OR51A4: variants seen among roughly 807,000 people sequenced by gnomAD.
OR51A4 encodes olfactory receptor 51A4.
For missense variants in OR51A4, 243 were observed against 364.0 expected (o/e 0.67, Z 2.70); for synonymous variants, 96 against 141.5 (o/e 0.68, Z 2.28).
rs1846305222 is a variant in OR51A4 at position 4,946,390 on chromosome 11, CT to C, written c.710del (p.Lys237ArgfsTer13). 1.2e-6 allele frequency: 2 copies of C among 1,613,396 alleles called. No homozygotes were observed. The highest frequency in any genetic ancestry group is 2.2e-5 in the South Asian group (2 of 91,058). On this transcript the variant is annotated frameshift_variant, in exon 2 of 2. Transcript: ENST00000641898. LOFTEE classifies it low-confidence loss of function (END_TRUNC). The part of the protein sequence containing the change: ...LGIASKKEQL[K>X]ALNTCVSHIC... ...TGTGTGAAACACAAGTATTGAGAGC[CT>C]TAAGCTGCTCCTTTTTGGATGCAAT...
At position 4,946,065 on chromosome 11, in the gene OR51A4, T is replaced by C; in HGVS notation, c.*94A>G. On this transcript the variant is annotated 3_prime_UTR_variant, in exon 2 of 2. Transcript: ENST00000641898. ...TAACTCTATGACAACAACAAAAATA[T>C]GTGTTGATAATTCTTGGTGTCAAAT... 2 of 1,140,338 alleles carry C rather than the reference T, an allele frequency of 1.8e-6. No individual in the cohort carries two copies. Among genetic ancestry groups the C allele is most frequent in the East Asian group, 2.3e-5 (1 of 42,640 alleles). The allele number at this position is 1,140,338 out of a possible 1,614,324, so 70.6% of individuals were successfully genotyped here.
Position 4,946,355 on chromosome 11 carries a change from A to C in OR51A4, c.746T>G (p.Val249Gly). ...LNTCVSHICA[V>G]IIFYLPIINL... ...GATGATGGGCAGGTAGAAGATGATCACTGCACAGATGTGTGAAACACAAGT... is the reference window on the plus strand; with the variant it reads ...GATGATGGGCAGGTAGAAGATGATCCCTGCACAGATGTGTGAAACACAAGT... Residue 249 changes from valine (V) to glycine (G), a missense_variant, in exon 2 of 2, where the codon GTG (valine) becomes GGG (glycine). Coordinates refer to ENST00000641898, the MANE Select transcript of OR51A4 (RefSeq NM_001005329.2). 1 of 1,613,814 alleles carries C rather than the reference A, an allele frequency of 6.2e-7. No homozygotes were observed. Among genetic ancestry groups the C allele is most frequent in the Non-Finnish European group, 8.5e-7 (1 of 1,179,950 alleles).
chr11:4,946,256 A>G lies in OR51A4; in HGVS notation c.845T>C (p.Leu282Pro), dbSNP rs190505151. ...LINVLMANVL[L>P]LVPPLTNPIV... ...TGGGTTCGTCAGTGGAGGTACAAGT[A>G]GGAGAACATTTGCCATGAGAACATT... The change falls in exon 2 of 2, where the codon CTA becomes CCA. Residue 282 changes from leucine (L) to proline (P), a missense_variant. Physicochemically the swap from Leu to Pro is moderately conservative, Grantham distance 98. Transcript: ENST00000641898. 1.2e-6 allele frequency: 2 copies of G among 1,614,032 alleles called. No homozygotes were observed. The highest frequency in any genetic ancestry group is 2.2e-5 in the East Asian group (1 of 44,868).
In OR51A4 at chr11:4,943,305, A is replaced by G. The variant is rs769314472; in HGVS notation, c.*2854T>C. ...CTTTGTACACTTTCATGTGTGATTA[A>G]TAAGTCTTTTAACATCTCTCAAGTG... On this transcript the variant is annotated 3_prime_UTR_variant, in exon 2 of 2. Coordinates refer to ENST00000641898, the MANE Select transcript of OR51A4 (RefSeq NM_001005329.2). The G allele has an allele frequency of 3.3e-5, 10 of 300,216 alleles. No individual in the cohort carries two copies. The highest frequency in any genetic ancestry group is 6.7e-5 in the Non-Finnish European group (10 of 150,350). 18.6% of individuals were successfully genotyped at this position (300,216 alleles called of 1,614,324 possible). A position where few individuals can be genotyped will look rare whatever the true frequency, so the allele number is the denominator to read the frequency against.
Position 4,945,973 on chromosome 11 carries a change from G to C in OR51A4, c.*186C>G, listed in dbSNP as rs1846292843. Reference sequence around the variant, plus strand: ...TTTTTATTCTGCTTAACTGAAATGGGGACATAAGGCAACGTACTTCCTGTT... The same window carrying C: ...TTTTTATTCTGCTTAACTGAAATGGCGACATAAGGCAACGTACTTCCTGTT... On this transcript the variant is annotated 3_prime_UTR_variant, in exon 2 of 2. Transcript: ENST00000641898. The C allele has an allele frequency of 1.6e-6, 1 of 616,920 alleles. No homozygotes were observed. The highest frequency in any genetic ancestry group is 2.9e-6 in the Non-Finnish European group (1 of 347,822). The allele number at this position is 616,920 out of a possible 1,614,324, so 38.2% of individuals were successfully genotyped here.
In OR51A4 at chr11:4,946,693, T is replaced by G. The variant is rs142601496; in HGVS notation, c.408A>C (p.Ser136=). ...LAIHNPLRYT[S]ILTTVRVAQI... ...GGGCAACTCTGACAGTTGTCAGGAT[T>G]GAGGTGTATCTCAGAGGGTTGTGGA... is the stretch of plus-strand genomic sequence containing the variant. Residue 136 remains serine (S), a synonymous_variant, in exon 2 of 2, where the codon TCA becomes TCC. Coordinates refer to ENST00000641898, the MANE Select transcript of OR51A4 (RefSeq NM_001005329.2). The G allele has an allele frequency of 1.4e-3, 2,289 of 1,591,214 alleles. 1 individual carries two copies. The highest frequency in any genetic ancestry group is 5.1e-4 in the Middle Eastern group (3 of 5,912).
rs34472938 is a variant in OR51A4, at chr11:4,945,491, TAA to T, written c.*666_*667del. ...TTCTAACAAAGGAAGAGTTCAAATT[TAA>T]AAGAGACACTTACACATTCAATTTG... is the stretch of plus-strand genomic sequence containing the variant. On this transcript the variant is annotated 3_prime_UTR_variant, in exon 2 of 2. Transcript: ENST00000641898. 22,675 of 152,802 alleles carry T rather than the reference TAA, an allele frequency of 0.15. 1,776 individuals carry two copies. Among genetic ancestry groups the T allele is most frequent in the South Asian group, 0.17 (848 of 4,846 alleles). 9.5% of individuals were successfully genotyped at this position (152,802 alleles called of 1,614,324 possible). A position where few individuals can be genotyped will look rare whatever the true frequency, so the allele number is the denominator to read the frequency against.
Position 4,945,831 on chromosome 11 carries a change from A to G in OR51A4, c.*328T>C, listed in dbSNP as rs11034822. ...TCTAGCATTAAAAGAACTTGGTATA[A>G]GAGATTGAATGTAGATAATGAGAAA... On this transcript the variant is annotated 3_prime_UTR_variant, in exon 2 of 2. Coordinates refer to ENST00000641898, the MANE Select transcript of OR51A4 (RefSeq NM_001005329.2). The G allele has an allele frequency of 0.15, 50,433 of 341,950 alleles. 5,069 individuals carry two copies. The highest frequency in any genetic ancestry group is 0.35 in the South Asian group (11,503 of 33,020). 21.2% of individuals were successfully genotyped at this position (341,950 alleles called of 1,614,324 possible).
In OR51A4 at chr11:4,944,111, G is replaced by C. The variant is rs1456055983; in HGVS notation, c.*2048C>G. The C allele has an allele frequency of 2.2e-6, 1 of 455,516 alleles. No homozygotes were observed. Among genetic ancestry groups the C allele is most frequent in the African/African-American group, 2.0e-5 (1 of 50,024 alleles). 28.2% of individuals were successfully genotyped at this position (455,516 alleles called of 1,614,324 possible). A position where few individuals can be genotyped will look rare whatever the true frequency, so the allele number is the denominator to read the frequency against. The stretch of plus-strand genomic sequence containing the variant: ...CCAAACCCATATCTGTATTTGTAAG[G>C]TTTTGGAAAAGGTAGATAGATACAG... On this transcript the variant is annotated 3_prime_UTR_variant, in exon 2 of 2. Transcript: ENST00000641898.
At position 4,946,630 on chromosome 11, in the gene OR51A4, C is replaced by G; in HGVS notation, c.471G>C (p.Leu157=). The G allele has an allele frequency of 3.2e-6, 5 of 1,577,950 alleles. No homozygotes were observed. The highest frequency in any genetic ancestry group is 4.3e-6 in the Non-Finnish European group (5 of 1,150,000). The change falls in exon 2 of 2, where the codon CTG becomes CTC. Residue 157 remains leucine (L), a synonymous_variant. Transcript: ENST00000641898. The stretch of plus-strand genomic sequence containing the variant: ...TTAAAGTGAAAGGGAAGGGAAGAAC[C>G]AGGAGCATGCTCTTAAAGGAGAATA... The part of the protein sequence containing the change: ...GIVFSFKSML[L]VLPFPFTLRN...
chr11:4,944,593 T>A lies in OR51A4; in HGVS notation c.*1566A>T, dbSNP rs2595989. 0.99 allele frequency: 150,660 copies of A among 152,314 alleles called. 74,538 individuals are homozygous for A. The highest frequency in any genetic ancestry group is 1 in the Middle Eastern group (294 of 294). 9.4% of individuals were successfully genotyped at this position (152,314 alleles called of 1,614,324 possible). On this transcript the variant is annotated 3_prime_UTR_variant, in exon 2 of 2. Coordinates refer to ENST00000641898, the MANE Select transcript of OR51A4 (RefSeq NM_001005329.2). ...AAGGTGTTTCTTGATTCACCTGAGGTTAGAAGTGTAGGAGACTTGAACTGA... is the reference window on the plus strand; with the variant it reads ...AAGGTGTTTCTTGATTCACCTGAGGATAGAAGTGTAGGAGACTTGAACTGA...
chr11:4,944,084 C>T lies in OR51A4; in HGVS notation c.*2075G>A. The T allele has an allele frequency of 2.2e-6, 1 of 453,290 alleles. No homozygotes were observed. The highest frequency in any genetic ancestry group is 4.4e-6 in the Non-Finnish European group (1 of 225,882). 28.1% of individuals were successfully genotyped at this position (453,290 alleles called of 1,614,324 possible). On this transcript the variant is annotated 3_prime_UTR_variant, in exon 2 of 2. Transcript: ENST00000641898. ...CAACTACTGCTTGGTTGTACTACAA[C>T]CCCAAACCCATATCTGTATTTGTAA...
rs549000083 is a variant in OR51A4, at chr11:4,946,640, C to T, written c.461G>A (p.Ser154Asn). The T allele has an allele frequency of 3.3e-5, 52 of 1,584,050 alleles. No homozygotes were observed. The South Asian group carries it at 3.5e-4, about 11-fold the overall frequency. ...AQIGIVFSFK[S>N]MLLVLPFPFT... ...AGGGAAGGGAAGAACCAGGAGCATGCTCTTAAAGGAGAATACTATCCCTAT... is the reference window on the plus strand; with the variant it reads ...AGGGAAGGGAAGAACCAGGAGCATGTTCTTAAAGGAGAATACTATCCCTAT... Residue 154 changes from serine (S) to asparagine (N), a missense_variant, in exon 2 of 2, where the codon AGC becomes AAC. Physicochemically the swap from Ser to Asn is conservative, Grantham distance 46. Transcript: ENST00000641898.
rs1589947341 is a variant in OR51A4, at chr11:4,946,076, T to C, written c.*83A>G. 8.1e-7 allele frequency: 1 copy of C among 1,235,572 alleles called. No homozygotes were observed. Among genetic ancestry groups the C allele is most frequent in the East Asian group, 2.3e-5 (1 of 43,196 alleles). The allele number at this position is 1,235,572 out of a possible 1,614,324, so 76.5% of individuals were successfully genotyped here. On this transcript the variant is annotated 3_prime_UTR_variant, in exon 2 of 2. Coordinates refer to ENST00000641898, the MANE Select transcript of OR51A4 (RefSeq NM_001005329.2). ...CAACAACAAAAATATGTGTTGATAA[T>C]TCTTGGTGTCAAATATTAGGTTTCT...
At position 4,946,449 on chromosome 11, in the gene OR51A4, A is replaced by T. The variant is rs540635510; in HGVS notation, c.652T>A (p.Ser218Thr). 194 of 1,609,308 alleles carry T rather than the reference A, an allele frequency of 1.2e-4. 1 individual carries two copies. Among genetic ancestry groups the T allele is most frequent in the Non-Finnish European group, 1.5e-4 (178 of 1,176,364 alleles). The stretch of plus-strand genomic sequence containing the variant: ...ACAGTCTTGAGGATCAGGGTGTAAG[A>T]CACAGCAATGAGAATAAAGTCTACC... ...LMVDFILIAV[S>T]YTLILKTVLG... is the part of the protein sequence containing the mutation. The change falls in exon 2 of 2, where the codon TCT becomes ACT. Residue 218 changes from serine (S) to threonine (T), a missense_variant. Ser to Thr is a moderately conservative substitution (Grantham distance 58, BLOSUM62 1). Coordinates refer to ENST00000641898, the MANE Select transcript of OR51A4 (RefSeq NM_001005329.2).
Position 4,946,585 on chromosome 11 carries a change from C to G in OR51A4, c.516G>C (p.Lys172Asn), listed in dbSNP as rs775405916. The change falls in exon 2 of 2, where the codon AAG becomes AAC. Residue 172 changes from lysine to asparagine, a missense_variant. Transcript: ENST00000641898. ...PFTLRNLRYC[K>N]KNQLSHSYCL... ...AGTAGGAATGGGATAATTGGTTTTT[C>G]TTGCAATATCTCAAGTTTCTTAAAG... 6.4e-7 allele frequency: 1 copy of G among 1,573,318 alleles called. No homozygotes were observed. Among genetic ancestry groups the G allele is most frequent in the African/African-American group, 1.4e-5 (1 of 73,206 alleles).
chr11:4,947,144 G>C lies in OR51A4; in HGVS notation c.-44C>G. The C allele has an allele frequency of 8.6e-7, 1 of 1,157,744 alleles. No homozygotes were observed. Among genetic ancestry groups the C allele is most frequent in the Non-Finnish European group, 1.2e-6 (1 of 834,090 alleles). The allele number at this position is 1,157,744 out of a possible 1,614,324, so 71.7% of individuals were successfully genotyped here. On this transcript the variant is annotated 5_prime_UTR_variant, in exon 2 of 2. Transcript: ENST00000641898. ...TGCTATGAAAAATACAGATGCTTGTGTTGGTAAAATAGGAATATCTGTAAA... is the reference window on the plus strand; with the variant it reads ...TGCTATGAAAAATACAGATGCTTGTCTTGGTAAAATAGGAATATCTGTAAA...
chr11:4,945,700 G>T lies in OR51A4; in HGVS notation c.*459C>A, dbSNP rs1846287438. On this transcript the variant is annotated 3_prime_UTR_variant, in exon 2 of 2. Transcript: ENST00000641898. ...CACTACCCGGGTCCCATATAACCAT[G>T]TAAAAATCCAGCACATGTATCCCAA... 1 of 205,956 alleles carries T rather than the reference G, an allele frequency of 4.9e-6. No individual in the cohort carries two copies. Among genetic ancestry groups the T allele is most frequent in the Admixed American group, 5.3e-5 (1 of 18,886 alleles). The allele number at this position is 205,956 out of a possible 1,614,324, so 12.8% of individuals were successfully genotyped here. A position where few individuals can be genotyped will look rare whatever the true frequency, so the allele number is the denominator to read the frequency against.
In OR51A4 at chr11:4,943,785, A is replaced by G; in HGVS notation, c.*2374T>C. ...GAAATATGTGAAAATCATTATGCTGACCATAAATCTTCACCTCCCCCATTG... is the reference window on the plus strand; with the variant it reads ...GAAATATGTGAAAATCATTATGCTGGCCATAAATCTTCACCTCCCCCATTG... On this transcript the variant is annotated 3_prime_UTR_variant, in exon 2 of 2. Transcript: ENST00000641898. 2.4e-6 allele frequency: 1 copy of G among 412,008 alleles called. No individual in the cohort carries two copies. The highest frequency in any genetic ancestry group is 3.0e-5 in the Admixed American group (1 of 33,660). 25.5% of individuals were successfully genotyped at this position (412,008 alleles called of 1,614,324 possible).
Sources: gnomAD v4.1 joint callset for allele counts on GRCh38, gnomAD v4.1.1 for gene constraint, MANE v1.5 for transcripts, NCBI Gene and HGNC (gene_info 2026-07-23, HGNC 2026-07-21) for gene names.